ATG10: variants seen among roughly 807,000 people sequenced by gnomAD.
ATG10 encodes the protein ubiquitin-like-conjugating enzyme ATG10.
ATG10 carries 30 observed loss-of-function variants against 32.1 expected under a neutral mutation model. The observed-to-expected ratio is 0.94, with a 90% CI of 0.70 to 1.27. ATG10 has a LOEUF of 1.27. Among genes scored for constraint, ATG10 ranks in the 50% most tolerant of loss-of-function variants. The pLI is 0.00. For missense variants in ATG10, 233 were observed against 262.3 expected (o/e 0.89, Z 0.77); for synonymous variants, 87 against 91.5 (o/e 0.95, Z 0.28).
At chr5:82,109,506 T>A (rs1765545402) in intron 3 of ATG10, among the ~76,000 whole-genome samples, 1 of 152,012 alleles carries the variant, frequency 6.6e-6, no homozygotes, top group African/African-American at 2.4e-5. Context: ...TCAAACTTAT[T>A]TTTTAGTTTC....
intron 3 of ATG10, among the ~76,000 whole-genome samples, chr5:82,112,200 A>G (rs1765641906): frequency 6.6e-6 from 1 of 151,906 alleles, no homozygotes; most frequent in African/African-American, 2.4e-5. Flanking sequence ...TAAGTCTCAG[A>G]AAGATGTCCA....
At chr5:82,026,841 AT>A (rs1257090917) in intron 2 of ATG10, among the ~76,000 whole-genome samples, 1 of 152,036 alleles carries the variant, frequency 6.6e-6, no homozygotes, top group Non-Finnish European at 1.5e-5. Flanking sequence ...TGGGTGGATC[AT>A]GAGGTCAGGA....
intron 2 of ATG10, among the ~76,000 whole-genome samples, chr5:81,998,531 T>C (rs187118648): frequency 6.6e-6 from 1 of 152,164 alleles, no homozygotes; most frequent in Admixed American, 6.5e-5. Context: ...CAAATCCACA[T>C]ATATCAATAT....
intron 3 of ATG10, among the ~76,000 whole-genome samples, chr5:82,086,966 A>T (rs1224832646): frequency 6.6e-6 from 1 of 152,156 alleles, no homozygotes; most frequent in Non-Finnish European, 1.5e-5. Context: ...TAGAGTCTAG[A>T]TCGTATTTTG....
intron 5 of ATG10, among the ~76,000 whole-genome samples, chr5:82,214,256 A>G (rs73768646): frequency 0.14 from 20,718 of 152,226 alleles, 2,136 homozygotes; most frequent in African/African-American, 0.29. Context: ...ACTGATCTTC[A>G]GTTACATTTA....
At chr5:82,240,247 T>C (rs1746731610) in intron 5 of ATG10, among the ~76,000 whole-genome samples, 1 of 152,194 alleles carries the variant, frequency 6.6e-6, no homozygotes, top group South Asian at 2.1e-4. Flanking sequence ...CTATTCACAA[T>C]AGTCAAGATA....
chr5:82,226,071 A>G (rs928948752), intron 5 of ATG10, among the ~76,000 whole-genome samples: 5 of 152,046 alleles, frequency 3.3e-5, no homozygotes, highest in African/African-American at 9.7e-5. Flanking sequence ...CTCTCCCCCA[A>G]ATTCACATTT....
At chr5:82,060,602 G>A (rs6882565) in intron 3 of ATG10, among the ~76,000 whole-genome samples, 41,281 of 152,038 alleles carry the variant, frequency 0.27, 5,843 homozygotes, top group Middle Eastern at 0.38. Flanking sequence ...GTGGCTCAAC[G>A]CCTGTAATAC....
At chr5:82,146,576 G>T (rs1173798342) in intron 3 of ATG10, among the ~76,000 whole-genome samples, 2 of 149,624 alleles carry the variant, frequency 1.3e-5, no homozygotes, top group East Asian at 3.9e-4. Context: ...TTCTGAAATT[G>T]TCCCACATGT....
At chr5:81,983,086 G>T (rs1489733087) in intron 1 of ATG10, among the ~76,000 whole-genome samples, 3 of 152,168 alleles carry the variant, frequency 2.0e-5, no homozygotes, top group Non-Finnish European at 4.4e-5. Context: ...CCCAGACGGG[G>T]TGGTGGCCAG....
At chr5:82,174,910 T>C (rs1434811419) in intron 4 of ATG10, among the ~76,000 whole-genome samples, 1 of 152,176 alleles carries the variant, frequency 6.6e-6, no homozygotes, top group Admixed American at 6.5e-5. Context: ...GAAGCAGATA[T>C]TTTAACAATG....
In ATG10 at chr5:82,213,217, T is replaced by C. The variant is rs111409411; in HGVS notation, c.453+34630T>C. ...GTTTAACTCAAAGATACTGACTTTG[T>C]TCTTCATACACGAATTTCTCTCTTA... On this transcript the variant is annotated intron_variant, in intron 5 of 7. Coordinates refer to ENST00000282185, the MANE Select transcript of ATG10 (RefSeq NM_031482.5). Among the ~76,000 whole-genome samples the C allele has an allele frequency of 4.9e-4, 75 of 152,344 alleles. 1 individual carries two copies. The highest frequency in any genetic ancestry group is 1.6e-3 in the African/African-American group (68 of 41,586).
chr5:82,205,094 T>C (rs941929383), intron 5 of ATG10, among the ~76,000 whole-genome samples: 2 of 152,166 alleles, frequency 1.3e-5, no homozygotes, highest in African/African-American at 4.8e-5. Context: ...CCTGGAGGCA[T>C]GTTTTTTGTT....
At chr5:82,210,872 T>C (rs1745467913) in intron 5 of ATG10, among the ~76,000 whole-genome samples, 1 of 152,188 alleles carries the variant, frequency 6.6e-6, no homozygotes, top group African/African-American at 2.4e-5. Context: ...GAGAAGAGAC[T>C]GAGGAAGTTG....
At chr5:82,251,732 G>A (rs1202044850) in intron 5 of ATG10, among the ~76,000 whole-genome samples, 2 of 152,156 alleles carry the variant, frequency 1.3e-5, no homozygotes, top group Admixed American at 6.5e-5. Context: ...CAATAATAGT[G>A]TTTTTGTTGG....
At chr5:82,178,852 A>T (rs898566342) in intron 5 of ATG10, among the ~76,000 whole-genome samples, 1 of 152,042 alleles carries the variant, frequency 6.6e-6, no homozygotes, top group African/African-American at 2.4e-5. Flanking sequence ...AGGATGATTT[A>T]AAAAAATTGA....
chr5:82,042,261 G>A (rs1264434462), intron 2 of ATG10, among the ~76,000 whole-genome samples: 2 of 152,118 alleles, frequency 1.3e-5, no homozygotes, highest in Non-Finnish European at 2.9e-5. Flanking sequence ...GAGAGAGAGA[G>A]CAAGAGTAAA....
intron 3 of ATG10, among the ~76,000 whole-genome samples, chr5:82,133,718 G>A (rs147505364): frequency 6.6e-6 from 1 of 152,098 alleles, no homozygotes; most frequent in African/African-American, 2.4e-5. Flanking sequence ...TCTTTTTTTG[G>A]TTCCATATGA....
intron 4 of ATG10, among the ~76,000 whole-genome samples, chr5:82,165,261 G>A (rs1743529644): frequency 6.6e-6 from 1 of 152,210 alleles, no homozygotes; most frequent in African/African-American, 2.4e-5. Flanking sequence ...CTCCTGTTCA[G>A]CCAACCCCTT....
Sources: gnomAD v4.1 joint callset for allele counts (sites outside exome capture counted in the v4.1 genomes callset) on GRCh38, gnomAD v4.1.1 for gene constraint, MANE v1.5 for transcripts, NCBI Gene and HGNC (gene_info 2026-07-23, HGNC 2026-07-21) for gene names.